BDP1: variants seen among roughly 807,000 people sequenced by gnomAD.
The protein encoded by BDP1 is transcription factor TFIIIB component B'' homolog.
BDP1 carries 169 observed loss-of-function variants against 266.6 expected under a neutral mutation model. The ratio of observed to expected loss-of-function variants is 0.63; its 90% CI spans 0.56 to 0.72. The LOEUF (loss-of-function observed/expected upper bound fraction) is 0.72. Among genes scored for constraint, BDP1 ranks in the 30% least tolerant of loss-of-function variants. The pLI is 0.00. For missense variants in BDP1, 3,015 were observed against 3,053.8 expected, an observed-to-expected ratio of 0.99 and a Z score of 0.30; for synonymous variants, 1,090 against 1,022.4, an observed-to-expected ratio of 1.07 and a Z score of -1.26.
At chr5:71,500,224 T>G (rs1380724597) in intron 13 of BDP1, among the ~76,000 whole-genome samples, 5 of 151,964 alleles carry the variant, frequency 3.3e-5, no homozygotes, top group African/African-American at 1.2e-4. Flanking sequence ...GTAGAAAATT[T>G]GGAAAATACA....
chr5:71,490,899 G>C lies in BDP1; in HGVS notation c.1493-85G>C, dbSNP rs868365884. 2.1e-4 allele frequency: 280 copies of C among 1,339,044 alleles called. 3 individuals are homozygous for C. In the South Asian group the frequency reaches 4.2e-3, roughly 20 times the overall value. 82.9% of individuals were successfully genotyped at this position (1,339,044 alleles called of 1,614,324 possible). On this transcript the variant is annotated intron_variant, in intron 10 of 38. Transcript: ENST00000358731. The stretch of plus-strand genomic sequence containing the variant: ...TGTTGCTTAAGGTTTTGTAGGAAAA[G>C]AGTGTTATAGGTAAATTCCTTTGTG...
At chr5:71,491,587 C>T (rs1308655498) in intron 11 of BDP1, among the ~76,000 whole-genome samples, 1 of 152,062 alleles carries the variant, frequency 6.6e-6, no homozygotes, top group Non-Finnish European at 1.5e-5. Flanking sequence ...ACTATAAGCA[C>T]AGTGTTGTAT....
chr5:71,499,286 G>A (rs911773254), intron 13 of BDP1, among the ~76,000 whole-genome samples: 15 of 152,046 alleles, frequency 9.9e-5, no homozygotes, highest in African/African-American at 3.6e-4. Context: ...TTTTAGTAGA[G>A]ACTAGGTTTC....
chr5:71,497,412 A>G lies in BDP1; in HGVS notation c.1942A>G (p.Thr648Ala). ...AGAGAGCAAGAATTCACATTCAAAA[A>G]CTTCAGTTGAAAAGGTATGGGGTAA... ...ESESKNSHSK[T>A]SVEKNHVEKD... Residue 648 changes from threonine to alanine, a missense_variant, in exon 13 of 39, where the codon ACT (threonine) becomes GCT (alanine). Physicochemically the swap from Thr to Ala is moderately conservative, Grantham distance 58. Coordinates refer to ENST00000358731, the MANE Select transcript of BDP1 (RefSeq NM_018429.3). The G allele has an allele frequency of 6.2e-7, 1 of 1,613,010 alleles. No individual in the cohort carries two copies. Among genetic ancestry groups the G allele is most frequent in the Admixed American group, 1.7e-5 (1 of 59,950 alleles).
At chr5:71,518,834 A>AC (rs1290056285) in intron 22 of BDP1, among the ~76,000 whole-genome samples, 27 of 104,602 alleles carry the variant, frequency 2.6e-4, no homozygotes, top group African/African-American at 9.0e-4. Flanking sequence ...AGTATGGATT[A>AC]CTTTTTTTTT....
intron 36 of BDP1, 56 bp from the exon 37 acceptor site, chr5:71,559,926 A>G (rs1316077116): frequency 3.2e-6 from 5 of 1,563,738 alleles, no homozygotes; most frequent in Non-Finnish European, 3.5e-6. Flanking sequence ...TGCTGGGATT[A>G]CATGGAGTGT....
At chr5:71,549,877 T>G (rs879410150) in intron 34 of BDP1, among the ~76,000 whole-genome samples, 4 of 152,256 alleles carry the variant, frequency 2.6e-5, no homozygotes, top group Non-Finnish European at 5.9e-5. Flanking sequence ...GATCATAAAA[T>G]GATACCTGTT....
chr5:71,526,117 A>G (rs998947553), intron 25 of BDP1, among the ~76,000 whole-genome samples: 55 of 152,198 alleles, frequency 3.6e-4, no homozygotes, highest in African/African-American at 1.3e-3. Flanking sequence ...TAGCGAGCCG[A>G]GATCACGCCA....
rs1761178090 is a variant in BDP1, at chr5:71,456,227, A to T, written c.212+138A>T. The T allele has an allele frequency of 1.7e-5, 13 of 784,648 alleles. No individual in the cohort carries two copies. In the South Asian group the frequency reaches 2.4e-4, roughly 14 times the overall value. The allele number at this position is 784,648 out of a possible 1,614,324, so 48.6% of individuals were successfully genotyped here. On this transcript the variant is annotated intron_variant, in intron 1 of 38. Transcript: ENST00000358731. ...CTTTCAGTTGAGGCTTGATGAAACC[A>T]CTCCAAACTGCAGTTTAGTTGTCTG...
chr5:71,564,396 T>C (rs1393869189), intron 38 of BDP1, among the ~76,000 whole-genome samples: 1 of 152,120 alleles, frequency 6.6e-6, no homozygotes, highest in East Asian at 1.9e-4. Context: ...TATTTTTCTT[T>C]ATTAAAATTT....
At chr5:71,474,659 C>T (rs910995370) in intron 7 of BDP1, among the ~76,000 whole-genome samples, 3 of 151,610 alleles carry the variant, frequency 2.0e-5, no homozygotes, top group Non-Finnish European at 4.4e-5. Context: ...ACCAGCCTGG[C>T]CAACATGATG....
chr5:71,492,329 AGCG>A, intron 11 of BDP1, among the ~76,000 whole-genome samples: 1 of 152,172 alleles, frequency 6.6e-6, no homozygotes, highest in East Asian at 1.9e-4. Flanking sequence ...TGTTTCCAAT[AGCG>A]GGTACACCAT....
chr5:71,554,180 T>C (rs910679828), intron 35 of BDP1, among the ~76,000 whole-genome samples: 40 of 152,178 alleles, frequency 2.6e-4, no homozygotes, highest in African/African-American at 9.6e-4. Flanking sequence ...AGTAAAAAAA[T>C]GGCATATCCC....
At chr5:71,526,847 G>A (rs1005654506) in intron 25 of BDP1, among the ~76,000 whole-genome samples, 4 of 151,746 alleles carry the variant, frequency 2.6e-5, no homozygotes, top group Non-Finnish European at 4.4e-5. Flanking sequence ...CACCAAGCCT[G>A]ATTAATTTTT....
At chr5:71,548,787 G>A (rs1742519489) in intron 33 of BDP1, 42 bp downstream of exon 33, 1 of 1,361,348 alleles carries the variant, frequency 7.3e-7, no homozygotes, top group African/African-American at 1.4e-5. Flanking sequence ...GAACTTAGTT[G>A]TATGATTTTT....
At chr5:71,477,701 G>C (rs1324825268) in intron 7 of BDP1, among the ~76,000 whole-genome samples, 2 of 151,246 alleles carry the variant, frequency 1.3e-5, no homozygotes, top group East Asian at 3.9e-4. Flanking sequence ...GCTACCTGCA[G>C]CTTCAGCCTC....
chr5:71,549,003 C>T (rs1316580677), intron 33 of BDP1, among the ~76,000 whole-genome samples: 5 of 152,138 alleles, frequency 3.3e-5, no homozygotes, highest in South Asian at 2.1e-4. Context: ...CTTTGGGAGG[C>T]GGAGGTGGGT....
intron 7 of BDP1, among the ~76,000 whole-genome samples, chr5:71,481,391 G>GAAAAAAAAAAAAA (rs58798987): frequency 5.0e-4 from 32 of 63,834 alleles, no homozygotes; most frequent in South Asian, 1.6e-3. Context: ...TCTCTACAAA[G>GAAAAAAAAAAAAA]AAAAAAAAAA....
intron 36 of BDP1, among the ~76,000 whole-genome samples, 191 bp from the exon 37 acceptor site, chr5:71,559,791 G>T (rs1743498532): frequency 6.6e-6 from 1 of 152,178 alleles, no homozygotes; most frequent in Non-Finnish European, 1.5e-5. Context: ...GAATGCAGAA[G>T]CTGTTAGCAT....
Sources: allele counts gnomAD v4.1 joint callset (sites outside exome capture counted in the v4.1 genomes callset), GRCh38; gene constraint gnomAD v4.1.1; transcripts MANE v1.5; gene names NCBI Gene and HGNC (gene_info 2026-07-23, HGNC 2026-07-21).